Variants in SLC8A1 observed in about 807,000 individuals in gnomAD.
SLC8A1 encodes the protein sodium/calcium exchanger 1.
Under a neutral mutation model 68.3 loss-of-function variants are expected in SLC8A1, and 18 were observed. That is an observed-to-expected ratio of 0.26 (90% confidence interval 0.18 to 0.39). The LOEUF is 0.39. Among genes scored for constraint, SLC8A1 ranks in the 10% least tolerant of loss-of-function variants. The pLI, the probability that SLC8A1 is intolerant of heterozygous loss-of-function variation, is 1.00. For synonymous variants in SLC8A1, 475 were observed against 415.5 expected, an observed-to-expected ratio of 1.14 and a Z score of -1.74; for missense variants, 985 against 1,156.7, an observed-to-expected ratio of 0.85 and a Z score of 2.15.
chr2:40,478,930 C>T (rs943483908), intron 1 of SLC8A1, among the ~76,000 whole-genome samples: 1 of 152,098 alleles, frequency 6.6e-6, no homozygotes, highest in East Asian at 1.9e-4. Context: ...CGCCACCACG[C>T]CCAGCTAATT....
intron 1 of SLC8A1, among the ~76,000 whole-genome samples, chr2:40,497,179 G>A (rs921794543): frequency 1.3e-5 from 2 of 152,004 alleles, no homozygotes; most frequent in African/African-American, 4.8e-5. Flanking sequence ...AAATAAAGAA[G>A]GGAAAGACCT....
intron 1 of SLC8A1, among the ~76,000 whole-genome samples, chr2:40,462,606 G>A (rs980068240): frequency 1.3e-5 from 2 of 151,556 alleles, no homozygotes; most frequent in Admixed American, 6.6e-5. Context: ...CCAGGAGTTC[G>A]AGACCAGCCT....
At chr2:40,423,539 T>C (rs878876937) in intron 2 of SLC8A1, among the ~76,000 whole-genome samples, 2 of 152,030 alleles carry the variant, frequency 1.3e-5, no homozygotes, top group Admixed American at 6.6e-5. Context: ...CAGCCTTCTA[T>C]GTAATGGCCT....
exon 8 of SLC8A1, chr2:40,100,504 G>T (rs1167852529): frequency 1.3e-5 from 2 of 152,172 alleles, no homozygotes; most frequent in Non-Finnish European, 2.9e-5. Flanking sequence ...TCCTTCCCCT[G>T]CAAAGATGTA....
intron 2 of SLC8A1, among the ~76,000 whole-genome samples, chr2:40,242,540 G>T (rs554647113): frequency 6.6e-6 from 1 of 152,200 alleles, no homozygotes; most frequent in South Asian, 2.1e-4. Flanking sequence ...CCAGCAACTC[G>T]ACTCTCCCTT....
chr2:40,445,190 A>T (rs1701221749), intron 1 of SLC8A1, among the ~76,000 whole-genome samples: 1 of 152,076 alleles, frequency 6.6e-6, no homozygotes, highest in African/African-American at 2.4e-5. Flanking sequence ...AACACGGAAA[A>T]GGCTAAGTAA....
At chr2:40,257,518 A>G (rs1389298024) in intron 2 of SLC8A1, among the ~76,000 whole-genome samples, 1 of 151,928 alleles carries the variant, frequency 6.6e-6, no homozygotes, top group Admixed American at 6.6e-5. Flanking sequence ...AAGGAAAATG[A>G]CTGATTACAG....
chr2:40,252,269 ATAAAGCAGC>A (rs1255840382), intron 2 of SLC8A1, among the ~76,000 whole-genome samples: 1 of 152,116 alleles, frequency 6.6e-6, no homozygotes, highest in Non-Finnish European at 1.5e-5. Flanking sequence ...CTGACAAAAT[ATAAAGCAGC>A]TCTTTCTGCA....
At chr2:40,170,525 G>C (rs1330734232) in intron 4 of SLC8A1, among the ~76,000 whole-genome samples, 176 bp from the exon 7 acceptor site, 1 of 152,206 alleles carries the variant, frequency 6.6e-6, no homozygotes, top group Non-Finnish European at 1.5e-5. Flanking sequence ...GGGAGCTCTG[G>C]TGGAAGTTAC....
chr2:40,357,701 G>C (rs988832175), intron 2 of SLC8A1, among the ~76,000 whole-genome samples: 2 of 151,890 alleles, frequency 1.3e-5, no homozygotes, highest in African/African-American at 4.8e-5. Context: ...TTTAAAAAAA[G>C]GAACCTCCTC....
chr2:40,468,488 G>A (rs560057175), intron 1 of SLC8A1, among the ~76,000 whole-genome samples: 10 of 152,066 alleles, frequency 6.6e-5, no homozygotes, highest in South Asian at 4.1e-4. Flanking sequence ...TCTGAAACAC[G>A]AATAATTTTT....
At chr2:40,151,255 C>T (rs942402595) in intron 6 of SLC8A1, among the ~76,000 whole-genome samples, 4 of 138,042 alleles carry the variant, frequency 2.9e-5, no homozygotes, top group East Asian at 2.3e-4. Context: ...TGAAACATGG[C>T]GTGTGTATGG....
intron 2 of SLC8A1, among the ~76,000 whole-genome samples, chr2:40,207,005 T>C (rs757035842): frequency 5.2e-4 from 79 of 152,086 alleles, no homozygotes; most frequent in Non-Finnish European, 7.6e-4. Context: ...TACTTCAAAG[T>C]ATTTTCCTTA....
chr2:40,335,487 G>A (rs1280615570), intron 2 of SLC8A1, among the ~76,000 whole-genome samples: 2 of 152,186 alleles, frequency 1.3e-5, no homozygotes, highest in South Asian at 2.1e-4. Context: ...TGAATACTGT[G>A]TACAACCAGG....
intron 2 of SLC8A1, among the ~76,000 whole-genome samples, chr2:40,286,010 G>T (rs915926869): frequency 7.9e-5 from 12 of 152,078 alleles, no homozygotes; most frequent in African/African-American, 2.9e-4. Context: ...TAGGACCAGG[G>T]CAAGTGCTCC....
chr2:40,406,039 T>C (rs1690219505), intron 2 of SLC8A1, among the ~76,000 whole-genome samples: 1 of 152,184 alleles, frequency 6.6e-6, no homozygotes. Context: ...ATCCTCTTTC[T>C]ATAGCACTGA....
chr2:40,218,998 G>A (rs2057915754), intron 2 of SLC8A1, among the ~76,000 whole-genome samples: 1 of 93,592 alleles, frequency 1.1e-5, no homozygotes, highest in Non-Finnish European at 2.4e-5. Flanking sequence ...AGGAAACTGG[G>A]CTTTCCCTCT....
chr2:40,312,183 A>G (rs761236360), intron 2 of SLC8A1, among the ~76,000 whole-genome samples: 8 of 152,172 alleles, frequency 5.3e-5, no homozygotes, highest in Non-Finnish European at 1.2e-4. Context: ...CTCAATAAGC[A>G]CACTTGCTGA....
intron 2 of SLC8A1, among the ~76,000 whole-genome samples, chr2:40,307,563 A>C (rs77371030): frequency 0.039 from 6,008 of 152,294 alleles, 383 homozygotes; most frequent in African/African-American, 0.14. Context: ...AAAAAGATAT[A>C]AATAATTCAG....
Sources: allele counts gnomAD v4.1 joint callset (sites outside exome capture counted in the v4.1 genomes callset), GRCh38; gene constraint gnomAD v4.1.1; transcripts MANE v1.5; gene names NCBI Gene and HGNC (gene_info 2026-07-23, HGNC 2026-07-21).